The following TRIM6 variants were observed in gnomAD, a reference collection of about 807,000 sequenced individuals.
TRIM6 encodes the protein tripartite motif containing 6.
Under a neutral mutation model 51.2 loss-of-function variants are expected in TRIM6, and 43 were observed. The observed-to-expected ratio is 0.84, with a 90% CI of 0.66 to 1.08. The LOEUF (loss-of-function observed/expected upper bound fraction) is 1.08, where lower values mean the gene tolerates loss of function less well. Among genes scored for constraint, TRIM6 ranks in the 50% least tolerant of loss-of-function variants. The probability of loss-of-function intolerance (pLI) is 0.00; values close to 1 mark genes in which losing one functional copy is unlikely to be tolerated. For synonymous variants in TRIM6, 215 were observed against 232.4 expected, an observed-to-expected ratio of 0.93 and a Z score of 0.68; for missense variants, 669 against 619.0, an observed-to-expected ratio of 1.08 and a Z score of -0.86.
chr11:5,601,832 A>G (rs2133825170), intron 1 of TRIM6, among the ~76,000 whole-genome samples: 1 of 152,216 alleles, frequency 6.6e-6, no homozygotes, highest in Non-Finnish European at 1.5e-5. Context: ...GAAGGCGAGC[A>G]TGTGGTGAGA....
At chr11:5,603,215 T>C in intron 1 of TRIM6, 31 bp from the exon 2 acceptor site, 1 of 1,598,584 alleles carries the variant, frequency 6.3e-7, no homozygotes, top group South Asian at 1.1e-5. Flanking sequence ...TTTCTTACCC[T>C]GATCCTTTTT....
intron 1 of TRIM6, among the ~76,000 whole-genome samples, chr11:5,600,198 C>G (rs188009228): frequency 6.6e-6 from 1 of 152,098 alleles, no homozygotes; most frequent in African/African-American, 2.4e-5. Flanking sequence ...CTGCAGCCTG[C>G]GTATCTGCAT....
At chr11:5,605,211 T>G in intron 3 of TRIM6, 126 bp from the exon 4 acceptor site, 1 of 1,272,918 alleles carries the variant, frequency 7.9e-7, no homozygotes, top group Non-Finnish European at 1.1e-6. Flanking sequence ...CCTGCAGCAT[T>G]TACCCTCCCT....
chr11:5,596,200 T>C (rs1397358964), upstream of TRIM6: 1 of 152,344 alleles, frequency 6.6e-6, no homozygotes, highest in East Asian at 1.9e-4. Context: ...GCAAGTTTAT[T>C]TTCTGGCCAG....
intron 5 of TRIM6, among the ~76,000 whole-genome samples, chr11:5,608,685 T>C (rs1848372318): frequency 6.6e-6 from 1 of 151,826 alleles, no homozygotes; most frequent in South Asian, 2.1e-4. Flanking sequence ...AGGGAGACTC[T>C]GCCTCAAACA....
chr11:5,605,330 C>G lies in TRIM6; in HGVS notation c.604-7C>G. ...TAGCAGCCTCTTTTTCTTCCCTGTT[C>G]CTGAAGAATCAGATGGAGCCTGAGA... On this transcript the variant is annotated splice_polypyrimidine_tract_variant and splice_region_variant and intron_variant, in intron 3 of 7. Coordinates refer to ENST00000380097, the MANE Select transcript of TRIM6 (RefSeq NM_001003818.3). 6.2e-7 allele frequency: 1 copy of G among 1,613,940 alleles called. No individual in the cohort carries two copies. Among genetic ancestry groups the G allele is most frequent in the Non-Finnish European group, 8.5e-7 (1 of 1,179,984 alleles).
chr11:5,605,267 C>A, intron 3 of TRIM6, 70 bp from the exon 4 acceptor site: 7 of 1,605,972 alleles, frequency 4.4e-6, no homozygotes, highest in East Asian at 2.2e-5. Flanking sequence ...AGCCCAACTT[C>A]CCCGCTTTTA....
At chr11:5,606,444 G>A (rs1368693) in intron 4 of TRIM6, among the ~76,000 whole-genome samples, 22,048 of 152,012 alleles carry the variant, frequency 0.15, 2,523 homozygotes, top group East Asian at 0.37. Flanking sequence ...AACCTTCAGA[G>A]TGTAAGATAT....
At chr11:5,609,806 C>T (rs1254955677) in intron 5 of TRIM6, among the ~76,000 whole-genome samples, 2 of 152,122 alleles carry the variant, frequency 1.3e-5, no homozygotes, top group Non-Finnish European at 2.9e-5. Flanking sequence ...GCCTGTAGTC[C>T]CAGCTACTCA....
At position 5,610,525 on chromosome 11, in the gene TRIM6, A is replaced by T. The variant is rs765671434; in HGVS notation, c.959-10A>T. The T allele has an allele frequency of 6.2e-7, 1 of 1,614,130 alleles. No homozygotes were observed. The highest frequency in any genetic ancestry group is 1.1e-5 in the South Asian group (1 of 91,068). On this transcript the variant is annotated splice_polypyrimidine_tract_variant and intron_variant, in intron 6 of 7. Coordinates refer to ENST00000380097, the MANE Select transcript of TRIM6 (RefSeq NM_001003818.3). ...CTATTCAACATTATTGACTCTTTTC[A>T]TCATTACAGAGCTGACAGATGTCCA...
At chr11:5,604,162 TTGTGTGTGTG>T (rs551033017) in intron 2 of TRIM6, among the ~76,000 whole-genome samples, 4 of 150,260 alleles carry the variant, frequency 2.7e-5, no homozygotes, top group African/African-American at 7.3e-5. Flanking sequence ...GCCCAGCTAA[TTGTGTGTGTG>T]TGTGCGTGTG....
At position 5,603,380 on chromosome 11, in the gene TRIM6, C is replaced by T. The variant is rs1373616231; in HGVS notation, c.152C>T (p.Thr51Ile). Reference protein sequence around the residue: ...VTCPICLELLTEPLSIDCGHS... With the variant: ...VTCPICLELLIEPLSIDCGHS... The stretch of plus-strand genomic sequence containing the variant: ...TGCCCTATCTGCCTGGAGCTCCTAA[C>T]AGAACCCCTGAGCATAGACTGTGGC... Residue 51 changes from threonine to isoleucine, a missense_variant, in exon 2 of 8, where the codon ACA (threonine) becomes ATA (isoleucine). Transcript: ENST00000380097. 6.2e-7 allele frequency: 1 copy of T among 1,614,088 alleles called. No homozygotes were observed. Among genetic ancestry groups the T allele is most frequent in the South Asian group, 1.1e-5 (1 of 91,078 alleles).
chr11:5,599,980 A>T (rs1303464142), intron 1 of TRIM6, among the ~76,000 whole-genome samples: 6 of 152,170 alleles, frequency 3.9e-5, no homozygotes, highest in Admixed American at 3.9e-4. Context: ...TGATGTGGGT[A>T]TGGTAGGAGA....
At chr11:5,597,003 G>A in intron 1 of TRIM6, 89 bp downstream of exon 1, 1 of 1,598,620 alleles carries the variant, frequency 6.3e-7, no homozygotes, top group South Asian at 1.1e-5. Context: ...TTTCCCTTTC[G>A]GAACTCATTA....
At position 5,596,811 on chromosome 11, in the gene TRIM6, T is replaced by A. The variant is rs1847493407; in HGVS notation, c.-87T>A. 1.9e-6 allele frequency: 3 copies of A among 1,601,228 alleles called. No individual in the cohort carries two copies. The highest frequency in any genetic ancestry group is 3.3e-5 in the Admixed American group (2 of 59,788). Reference sequence around the variant, plus strand: ...GTGAGCGCGCTCTGTTCCTTAAGATTAGTTTAAGGTGCCTTGGATTGCTCT... The same window carrying A: ...GTGAGCGCGCTCTGTTCCTTAAGATAAGTTTAAGGTGCCTTGGATTGCTCT... On this transcript the variant is annotated 5_prime_UTR_variant, in exon 1 of 8. Coordinates refer to ENST00000380097, the MANE Select transcript of TRIM6 (RefSeq NM_001003818.3).
At chr11:5,602,211 C>T (rs10838410) in intron 1 of TRIM6, among the ~76,000 whole-genome samples, 105,843 of 151,830 alleles carry the variant, frequency 0.7, 38,101 homozygotes, top group South Asian at 0.8. Flanking sequence ...GAGGCCAAGG[C>T]GGGCGGATCA....
At chr11:5,597,093 CAG>C (rs1363948786) in intron 1 of TRIM6, among the ~76,000 whole-genome samples, 179 bp downstream of exon 1, 1 of 152,062 alleles carries the variant, frequency 6.6e-6, no homozygotes, top group African/African-American at 2.4e-5. Context: ...TCAATAGAGA[CAG>C]AAATGTGTGG....
At position 5,603,341 on chromosome 11, in the gene TRIM6, G is replaced by A. The variant is rs372036526; in HGVS notation, c.113G>A (p.Arg38Gln). The A allele has an allele frequency of 5.6e-6, 9 of 1,613,820 alleles. No individual in the cohort carries two copies. The highest frequency in any genetic ancestry group is 2.7e-5 in the African/African-American group (2 of 74,914). The change falls in exon 2 of 8, where the codon CGA becomes CAA. Residue 38 changes from arginine to glutamine, a missense_variant. Arg to Gln is a conservative substitution (Grantham distance 43, BLOSUM62 1). Transcript: ENST00000380097. Reference protein sequence around the residue: ...TMTSPVLVDIREEVTCPICLE... With the variant: ...TMTSPVLVDIQEEVTCPICLE... ...ACTTCACCAGTACTGGTGGACATAC[G>A]AGAAGAGGTGACCTGCCCTATCTGC...
chr11:5,609,951 T>A (rs957340789), intron 5 of TRIM6, among the ~76,000 whole-genome samples, 194 bp from the exon 6 acceptor site: 4 of 152,080 alleles, frequency 2.6e-5, no homozygotes, highest in Non-Finnish European at 5.9e-5. Flanking sequence ...TTACACAAGT[T>A]TATGTAGATG....
Sources: gnomAD v4.1 joint callset for allele counts (sites outside exome capture counted in the v4.1 genomes callset) on GRCh38, gnomAD v4.1.1 for gene constraint, MANE v1.5 for transcripts, NCBI Gene and HGNC (gene_info 2026-07-23, HGNC 2026-07-21) for gene names.